CD96: variants seen among roughly 807,000 people sequenced by gnomAD.
CD96 encodes the protein CD96 molecule.
CD96 carries 70 observed loss-of-function variants against 71.3 expected under a neutral mutation model. The ratio of observed to expected loss-of-function variants is 0.98; its 90% CI spans 0.81 to 1.20. The LOEUF (loss-of-function observed/expected upper bound fraction) is 1.20, where lower values mean the gene tolerates loss of function less well. Among genes scored for constraint, CD96 ranks in the 50% most tolerant of loss-of-function variants. CD96 has a pLI of 0.00. For synonymous variants in CD96, 248 were observed against 233.0 expected, an observed-to-expected ratio of 1.06 and a Z score of -0.59; for missense variants, 742 against 677.5, an observed-to-expected ratio of 1.10 and a Z score of -1.06.
chr3:111,555,534 C>T (rs1934954998), intron 2 of CD96, among the ~76,000 whole-genome samples: 1 of 152,288 alleles, frequency 6.6e-6, no homozygotes, highest in South Asian at 2.1e-4. Context: ...CTTTCGATCG[C>T]CATTATTTCT....
At position 111,579,157 on chromosome 3, in the gene CD96, A is replaced by G; in HGVS notation, c.674A>G (p.Asp225Gly). The G allele has an allele frequency of 6.2e-7, 1 of 1,608,126 alleles. No homozygotes were observed. Among genetic ancestry groups the G allele is most frequent in the African/African-American group, 1.3e-5 (1 of 74,928 alleles). Residue 225 changes from aspartate (D) to glycine (G), a missense_variant, in exon 4 of 14, where the codon GAT (aspartate) becomes GGT (glycine). Coordinates refer to ENST00000352690, the MANE Select transcript of CD96 (RefSeq NM_005816.5). ...CTCTCTCCAGTCCAAATCTTCGATG[A>G]TGGGCGGAAGTTCTCTTGCCACATT... ...LHLSPVQIFD[D>G]GRKFSCHIRV...
At chr3:111,607,450 C>T (rs1937674958) in intron 8 of CD96, among the ~76,000 whole-genome samples, 1 of 152,158 alleles carries the variant, frequency 6.6e-6, no homozygotes, top group Non-Finnish European at 1.5e-5. Flanking sequence ...GTGGCAGTGA[C>T]TCTCAAAACT....
At chr3:111,603,760 A>C (rs1937551822) in intron 7 of CD96, among the ~76,000 whole-genome samples, 1 of 152,174 alleles carries the variant, frequency 6.6e-6, no homozygotes, top group African/African-American at 2.4e-5. Flanking sequence ...TGTGTGTGTA[A>C]GTATGCATGT....
intron 5 of CD96, among the ~76,000 whole-genome samples, chr3:111,591,949 C>T (rs1937009252): frequency 6.6e-6 from 1 of 152,200 alleles, no homozygotes; most frequent in Non-Finnish European, 1.5e-5. Flanking sequence ...CCAAAGGAGG[C>T]AAGACACCAC....
intron 10 of CD96, among the ~76,000 whole-genome samples, chr3:111,627,776 T>C (rs989104521): frequency 2.6e-5 from 4 of 152,178 alleles, no homozygotes; most frequent in Non-Finnish European, 5.9e-5. Context: ...AGTACCCCCC[T>C]GGGACAGAGC....
At chr3:111,576,671 T>C (rs1936235230) in intron 3 of CD96, among the ~76,000 whole-genome samples, 1 of 152,186 alleles carries the variant, frequency 6.6e-6, no homozygotes, top group African/African-American at 2.4e-5. Flanking sequence ...TTATTCTACA[T>C]AGTTGTAAGA....
intron 2 of CD96, among the ~76,000 whole-genome samples, chr3:111,555,610 T>TTTGG (rs1430268516): frequency 6.6e-6 from 1 of 152,310 alleles, no homozygotes; most frequent in Non-Finnish European, 1.5e-5. Context: ...TTTTTGTTTG[T>TTTGG]TTGGTTGGTT....
rs764895058 is a variant in CD96, at chr3:111,579,180, A to G, written c.697A>G (p.Ile233Val). Residue 233 changes from isoleucine to valine, a missense_variant, in exon 4 of 14, where the codon ATT becomes GTT. Physicochemically the swap from Ile to Val is conservative, Grantham distance 29. Coordinates refer to ENST00000352690, the MANE Select transcript of CD96 (RefSeq NM_005816.5). Reference protein sequence around the residue: ...FDDGRKFSCHIRVGPNKILRS... With the variant: ...FDDGRKFSCHVRVGPNKILRS... The stretch of plus-strand genomic sequence containing the variant: ...TGATGGGCGGAAGTTCTCTTGCCAC[A>G]TTAGAGTCGGTCCTAACAAAATCTT... 3 of 1,612,234 alleles carry G rather than the reference A, an allele frequency of 1.9e-6. No individual in the cohort carries two copies. Among genetic ancestry groups the G allele is most frequent in the Admixed American group, 1.7e-5 (1 of 60,026 alleles).
chr3:111,593,423 C>A, intron 5 of CD96: 1 of 1,248,764 alleles, frequency 8.0e-7, no homozygotes, highest in Non-Finnish European at 1.1e-6. Context: ...ATACTGTGCA[C>A]TATTTCACAT....
intron 6 of CD96, among the ~76,000 whole-genome samples, chr3:111,599,754 C>T (rs554126372): frequency 2.6e-5 from 4 of 152,216 alleles, no homozygotes; most frequent in South Asian, 4.1e-4. Flanking sequence ...AATTTATTCT[C>T]CTGTTAAATA....
intron 2 of CD96, among the ~76,000 whole-genome samples, chr3:111,561,753 G>A (rs775462349): frequency 6.0e-4 from 88 of 146,384 alleles, no homozygotes; most frequent in African/African-American, 2.0e-3. Flanking sequence ...CGAGCTTCCC[G>A]GCTGCTTTGT....
intron 2 of CD96, among the ~76,000 whole-genome samples, chr3:111,545,997 T>C (rs1934376866): frequency 1.6e-5 from 2 of 122,234 alleles, no homozygotes. Flanking sequence ...ATTTGTGTTG[T>C]TTAAAAAAAA....
chr3:111,565,968 T>A (rs1935688074), intron 2 of CD96, among the ~76,000 whole-genome samples: 1 of 150,880 alleles, frequency 6.6e-6, no homozygotes, highest in East Asian at 1.9e-4. Context: ...GATATAAAAT[T>A]TATAAACAGA....
Position 111,542,319 on chromosome 3 carries a change from C to T in CD96, c.61+10C>T, listed in dbSNP as rs918101772. ...ATACATTTTGTCAAGGGTAAGACTTCCAGTTGTCCCTTCTTGTCGGATGGG... is the reference window on the plus strand; with the variant it reads ...ATACATTTTGTCAAGGGTAAGACTTTCAGTTGTCCCTTCTTGTCGGATGGG... On this transcript the variant is annotated intron_variant, in intron 1 of 13. Transcript: ENST00000352690. 2.5e-5 allele frequency: 41 copies of T among 1,609,988 alleles called. No individual in the cohort carries two copies. Among genetic ancestry groups the T allele is most frequent in the Non-Finnish European group, 3.5e-5 (41 of 1,176,378 alleles).
intron 10 of CD96, among the ~76,000 whole-genome samples, chr3:111,627,314 A>T (rs560442466): frequency 3.3e-5 from 5 of 152,212 alleles, no homozygotes; most frequent in African/African-American, 1.2e-4. Flanking sequence ...GCCTGTAGGC[A>T]CTGGAAAGTC....
rs1939371112 is a variant in CD96, at chr3:111,637,226, G to A, written c.1352G>A (p.Ser451Asn). Residue 451 changes from serine (S) to asparagine (N), a missense_variant, in exon 11 of 14, where the codon AGT (serine) becomes AAT (asparagine). Transcript: ENST00000352690. ...SVSRIPSETY[S>N]SSPSGAGSTL... ...TCACGGATACCTAGTGAAACATACA[G>A]TTCATCCCCGTCAGGTGCAGGCTCA... 2 of 1,593,174 alleles carry A rather than the reference G, an allele frequency of 1.3e-6. No individual in the cohort carries two copies. Among genetic ancestry groups the A allele is most frequent in the South Asian group, 2.2e-5 (2 of 90,694 alleles).
At chr3:111,606,057 C>T (rs575472539) in intron 7 of CD96, among the ~76,000 whole-genome samples, 1 of 152,196 alleles carries the variant, frequency 6.6e-6, no homozygotes, top group Admixed American at 6.5e-5. Context: ...AAGGAATTGA[C>T]ATAAATGTAA....
At chr3:111,583,750 A>T (rs1576348404) in intron 4 of CD96, among the ~76,000 whole-genome samples, 1 of 152,166 alleles carries the variant, frequency 6.6e-6, no homozygotes, top group South Asian at 2.1e-4. Flanking sequence ...AATGGCTGGG[A>T]CACAGGGCAC....
chr3:111,619,115 A>G (rs1938394247), intron 8 of CD96, among the ~76,000 whole-genome samples: 1 of 152,196 alleles, frequency 6.6e-6, no homozygotes. Context: ...GTATAGGTTA[A>G]GAGATTCAGT....
Sources: gnomAD v4.1 joint callset for allele counts (sites outside exome capture counted in the v4.1 genomes callset) on GRCh38, gnomAD v4.1.1 for gene constraint, MANE v1.5 for transcripts, NCBI Gene and HGNC (gene_info 2026-07-23, HGNC 2026-07-21) for gene names.